The following MRPL13 variants were observed in gnomAD, a reference collection of about 807,000 sequenced individuals.
MRPL13 encodes the protein mitochondrial ribosomal protein L13.
Under a neutral mutation model 29.0 loss-of-function variants are expected in MRPL13, and 33 were observed. The observed-to-expected ratio is 1.14, with a 90% CI of 0.86 to 1.52. MRPL13 has a LOEUF of 1.52. MRPL13 is among the 40% of genes most tolerant of loss of function. The pLI, the probability that MRPL13 is intolerant of heterozygous loss-of-function variation, is 0.00. For missense variants in MRPL13, 227 were observed against 216.7 expected (o/e 1.05, Z -0.30); for synonymous variants, 77 against 68.4 (o/e 1.13, Z -0.62).
chr8:120,407,449 A>G (rs1812687293), intron 6 of MRPL13, among the ~76,000 whole-genome samples: 1 of 152,080 alleles, frequency 6.6e-6, no homozygotes, highest in Non-Finnish European at 1.5e-5. Flanking sequence ...GATCGAGACC[A>G]TCCTGGCCAA....
intron 3 of MRPL13, among the ~76,000 whole-genome samples, chr8:120,431,469 A>G (rs1283239295): frequency 1.3e-5 from 2 of 152,206 alleles, no homozygotes; most frequent in African/African-American, 4.8e-5. Context: ...TATACCTGAA[A>G]AAGACTTAGG....
At chr8:120,413,077 A>G (rs1812757691) in intron 6 of MRPL13, among the ~76,000 whole-genome samples, 1 of 152,226 alleles carries the variant, frequency 6.6e-6, no homozygotes, top group African/African-American at 2.4e-5. Flanking sequence ...TAACAGACAC[A>G]CATATAAATG....
chr8:120,444,148 G>GA (rs768079387), intron 1 of MRPL13, among the ~76,000 whole-genome samples: 4 of 151,040 alleles, frequency 2.6e-5, no homozygotes, highest in African/African-American at 7.3e-5. Context: ...TTGATACTTA[G>GA]AAAAAAAAAA....
At chr8:120,433,763 C>T (rs1813022350) in intron 2 of MRPL13, among the ~76,000 whole-genome samples, 1 of 152,084 alleles carries the variant, frequency 6.6e-6, no homozygotes, top group South Asian at 2.1e-4. Context: ...ATTTCATTAA[C>T]ACTAAAGTCA....
chr8:120,429,294 T>C (rs1020395845), intron 3 of MRPL13, among the ~76,000 whole-genome samples: 7 of 151,778 alleles, frequency 4.6e-5, no homozygotes, highest in Non-Finnish European at 5.9e-5. Flanking sequence ...GGAAGCTCAA[T>C]GATGAAAACA....
intron 2 of MRPL13, among the ~76,000 whole-genome samples, chr8:120,433,363 T>C (rs1438144416): frequency 6.6e-6 from 1 of 152,090 alleles, no homozygotes; most frequent in Non-Finnish European, 1.5e-5. Flanking sequence ...GATTAAGTGA[T>C]TTGCAGAGGC....
chr8:120,425,185 A>G (rs1212151218), intron 4 of MRPL13, 121 bp downstream of exon 4: 2 of 680,574 alleles, frequency 2.9e-6, no homozygotes, highest in South Asian at 2.2e-5. Context: ...TGATACAGCT[A>G]AAGTGAAGAA....
At chr8:120,426,212 C>A (rs150753222) in intron 3 of MRPL13, among the ~76,000 whole-genome samples, 21 of 151,816 alleles carry the variant, frequency 1.4e-4, no homozygotes, top group Non-Finnish European at 2.4e-4. Flanking sequence ...GAAGTCCAAA[C>A]GATTTTCAAG....
At chr8:120,425,661 A>G (rs1409179641) in intron 3 of MRPL13, among the ~76,000 whole-genome samples, 3 of 152,164 alleles carry the variant, frequency 2.0e-5, no homozygotes, top group African/African-American at 7.2e-5. Flanking sequence ...ATTTATTACT[A>G]CTTGATTTAA....
chr8:120,401,513 A>G (rs1373148412), intron 6 of MRPL13, among the ~76,000 whole-genome samples: 6 of 152,194 alleles, frequency 3.9e-5, no homozygotes, highest in Non-Finnish European at 7.3e-5. Flanking sequence ...CAAAATAGTA[A>G]GGGCCATATG....
chr8:120,431,945 C>T, intron 3 of MRPL13, 85 bp downstream of exon 3: 2 of 963,024 alleles, frequency 2.1e-6, no homozygotes, highest in Non-Finnish European at 3.0e-6. Flanking sequence ...TTAAAAATAT[C>T]TTTTTTCTTT....
At chr8:120,413,158 ATTCT>A (rs1812759826) in intron 6 of MRPL13, among the ~76,000 whole-genome samples, 3 of 152,176 alleles carry the variant, frequency 2.0e-5, no homozygotes, top group Admixed American at 2.0e-4. Context: ...TTTTCTAGAG[ATTCT>A]TTCCTAAAGT....
At position 120,443,314 on chromosome 8, in the gene MRPL13, G is replaced by GA. The variant is rs368645453; in HGVS notation, c.28-7_28-6insT. 29 of 1,470,832 alleles carry GA rather than the reference G, an allele frequency of 2.0e-5. No individual in the cohort carries two copies. The African/African-American group carries it at 3.4e-4, about 17-fold the overall frequency. The allele number at this position is 1,470,832 out of a possible 1,614,324, so 91.1% of individuals were successfully genotyped here. ...CTAGCAAAAGTGGCCCATTGCTTGG[G>GA]GGGGAAAAAAAAAAAAAAGAAGAGG... On this transcript the variant is annotated splice_region_variant and splice_polypyrimidine_tract_variant and intron_variant, in intron 1 of 6. Transcript: ENST00000306185.
intron 6 of MRPL13, among the ~76,000 whole-genome samples, chr8:120,399,625 C>A (rs1812564028): frequency 6.6e-6 from 1 of 152,142 alleles, no homozygotes; most frequent in Non-Finnish European, 1.5e-5. Flanking sequence ...ATGACAGGAT[C>A]AAATTCATAC....
rs1586926439 is a variant in MRPL13 at position 120,431,612 on chromosome 8, A to C, written c.245+418T>G. ...ATTTGGAAACCAGCAGAACACACCC[A>C]GGTGAGTGTATTTACTTAAGAGAGA... On this transcript the variant is annotated intron_variant, in intron 3 of 6. Transcript: ENST00000306185. Among the ~76,000 whole-genome samples the C allele has an allele frequency of 2.0e-5, 3 of 152,322 alleles. No individual in the cohort carries two copies. The East Asian group carries it at 5.8e-4, about 29-fold the overall frequency.
intron 6 of MRPL13, among the ~76,000 whole-genome samples, chr8:120,401,742 T>C (rs1812599881): frequency 6.6e-6 from 1 of 152,154 alleles, no homozygotes; most frequent in African/African-American, 2.4e-5. Context: ...ACCCTATATC[T>C]AGAAAATCCC....
At chr8:120,406,679 C>T (rs546044025) in intron 6 of MRPL13, among the ~76,000 whole-genome samples, 3 of 151,274 alleles carry the variant, frequency 2.0e-5, no homozygotes, top group African/African-American at 7.3e-5. Flanking sequence ...GAAACACACA[C>T]AAGCTTTGAT....
intron 1 of MRPL13, among the ~76,000 whole-genome samples, chr8:120,443,624 T>TC (rs1813159490): frequency 6.6e-6 from 1 of 151,828 alleles, no homozygotes; most frequent in South Asian, 2.1e-4. Context: ...TGACTTTTTT[T>TC]TTTTTTTTTG....
At chr8:120,399,862 A>G (rs547637070) in intron 6 of MRPL13, among the ~76,000 whole-genome samples, 13 of 152,278 alleles carry the variant, frequency 8.5e-5, no homozygotes, top group African/African-American at 2.9e-4. Context: ...TACAAAACAG[A>G]CTTTAAACCA....
Sources: gnomAD v4.1 joint callset for allele counts (sites outside exome capture counted in the v4.1 genomes callset) on GRCh38, gnomAD v4.1.1 for gene constraint, MANE v1.5 for transcripts, NCBI Gene and HGNC (gene_info 2026-07-23, HGNC 2026-07-21) for gene names.